SCFD2: variants seen among roughly 807,000 people sequenced by gnomAD.
SCFD2 encodes the protein sec1 family domain-containing protein 2.
SCFD2 carries 54 observed loss-of-function variants against 58.9 expected under a neutral mutation model. The ratio of observed to expected loss-of-function variants is 0.92; its 90% CI spans 0.74 to 1.15. SCFD2 has a LOEUF of 1.15. Ranked by LOEUF, SCFD2 falls within the 50% of genes most tolerant of loss-of-function variation. The pLI is 0.00. For missense variants in SCFD2, 805 were observed against 836.6 expected, an observed-to-expected ratio of 0.96 and a Z score of 0.47; for synonymous variants, 321 against 335.9, an observed-to-expected ratio of 0.96 and a Z score of 0.49.
intron 4 of SCFD2, among the ~76,000 whole-genome samples, chr4:53,198,562 T>C (rs1354550354): frequency 2.0e-5 from 3 of 152,094 alleles, no homozygotes; most frequent in South Asian, 2.1e-4. Flanking sequence ...CTTCAAGTTA[T>C]AGTTTATTCT....
chr4:53,156,229 T>A (rs1726677927), intron 4 of SCFD2, among the ~76,000 whole-genome samples: 1 of 151,476 alleles, frequency 6.6e-6, no homozygotes, highest in Non-Finnish European at 1.5e-5. Context: ...TGAAACCCTG[T>A]CCCTAATAAA....
At chr4:53,081,925 T>C (rs1246748618) in intron 5 of SCFD2, among the ~76,000 whole-genome samples, 3 of 152,198 alleles carry the variant, frequency 2.0e-5, no homozygotes, top group African/African-American at 7.2e-5. Context: ...TTGACTATTC[T>C]GGACATTTCA....
chr4:52,957,968 T>A (rs1720749466), intron 5 of SCFD2: 1 of 152,246 alleles, frequency 6.6e-6, no homozygotes, highest in Non-Finnish European at 1.5e-5. Flanking sequence ...GAGAGTGTCA[T>A]TAACCCTAAC....
intron 7 of SCFD2, 97 bp downstream of exon 7, chr4:52,907,360 G>C: frequency 8.4e-7 from 1 of 1,191,198 alleles, no homozygotes; most frequent in Non-Finnish European, 1.2e-6. Context: ...AATGTTATCT[G>C]TATGGTGCTG....
At chr4:53,329,151 G>A (rs1733329887) in intron 2 of SCFD2, among the ~76,000 whole-genome samples, 1 of 152,204 alleles carries the variant, frequency 6.6e-6, no homozygotes, top group African/African-American at 2.4e-5. Flanking sequence ...ACTGCAAGGT[G>A]GCAGCGAGGC....
intron 5 of SCFD2, among the ~76,000 whole-genome samples, chr4:53,019,768 G>C (rs888732882): frequency 6.6e-6 from 1 of 152,220 alleles, no homozygotes; most frequent in African/African-American, 2.4e-5. Flanking sequence ...TTTTCCCAGT[G>C]GGTTCTCTGG....
chr4:53,330,362 T>A (rs1306325523), intron 2 of SCFD2, among the ~76,000 whole-genome samples: 4 of 151,876 alleles, frequency 2.6e-5, no homozygotes, highest in East Asian at 1.9e-4. Flanking sequence ...CGGGTTACCC[T>A]CAAAGGGAAG....
intron 2 of SCFD2, among the ~76,000 whole-genome samples, chr4:53,344,167 T>C (rs1304600463): frequency 1.3e-5 from 2 of 151,826 alleles, no homozygotes; most frequent in African/African-American, 4.8e-5. Context: ...TTGTCTCTGT[T>C]TGCAGATGAC....
intron 5 of SCFD2, among the ~76,000 whole-genome samples, chr4:53,134,457 A>G (rs564177151): frequency 6.2e-4 from 95 of 152,342 alleles, no homozygotes; most frequent in Admixed American, 1.1e-3. Context: ...AACAGGTGAG[A>G]AAAATAGAGA....
chr4:53,163,118 C>G (rs1437049082), intron 4 of SCFD2, among the ~76,000 whole-genome samples: 1 of 152,082 alleles, frequency 6.6e-6, no homozygotes, highest in Non-Finnish European at 1.5e-5. Flanking sequence ...GGGACAAGGC[C>G]CTGGAGTCCT....
chr4:53,205,177 T>C (rs1227912949), intron 4 of SCFD2, among the ~76,000 whole-genome samples: 1 of 152,094 alleles, frequency 6.6e-6, no homozygotes, highest in African/African-American at 2.4e-5. Flanking sequence ...AAAAGAACTC[T>C]GGATCACAAC....
At chr4:53,300,618 C>G (rs1336006376) in intron 3 of SCFD2, among the ~76,000 whole-genome samples, 1 of 152,176 alleles carries the variant, frequency 6.6e-6, no homozygotes, top group Non-Finnish European at 1.5e-5. Context: ...ATCTACAGAA[C>G]TCTCCACTCC....
chr4:52,896,862 G>A (rs989790382), intron 7 of SCFD2, among the ~76,000 whole-genome samples: 1 of 152,190 alleles, frequency 6.6e-6, no homozygotes, highest in African/African-American at 2.4e-5. Flanking sequence ...AGTTCTCCTT[G>A]AAGAGGTCCT....
At chr4:52,968,505 T>C (rs1721016655) in intron 5 of SCFD2, among the ~76,000 whole-genome samples, 1 of 152,196 alleles carries the variant, frequency 6.6e-6, no homozygotes, top group South Asian at 2.1e-4. Flanking sequence ...TGTGTGTGCA[T>C]GCATGTATGT....
At chr4:53,268,163 G>C (rs1164064079) in intron 4 of SCFD2, among the ~76,000 whole-genome samples, 1 of 152,104 alleles carries the variant, frequency 6.6e-6, no homozygotes, top group Non-Finnish European at 1.5e-5. Flanking sequence ...GCAGTCCAGA[G>C]CATGGTGTCA....
At chr4:53,025,401 C>A (rs1722448950) in intron 5 of SCFD2, among the ~76,000 whole-genome samples, 1 of 152,288 alleles carries the variant, frequency 6.6e-6, no homozygotes, top group East Asian at 1.9e-4. Context: ...AACATAGATA[C>A]TTCCAAACCA....
At chr4:53,178,990 T>A (rs1050014484) in intron 4 of SCFD2, among the ~76,000 whole-genome samples, 2 of 152,148 alleles carry the variant, frequency 1.3e-5, no homozygotes, top group Non-Finnish European at 2.9e-5. Context: ...CTAAGAAACA[T>A]GGGACTCTGT....
intron 5 of SCFD2, among the ~76,000 whole-genome samples, chr4:52,991,533 G>C (rs931960569): frequency 6.6e-6 from 1 of 152,134 alleles, no homozygotes. Flanking sequence ...TTTGAGGATG[G>C]GCTTGGCCTT....
intron 5 of SCFD2, among the ~76,000 whole-genome samples, chr4:53,098,228 C>T (rs1244877462): frequency 5.3e-5 from 8 of 152,190 alleles, no homozygotes; most frequent in Non-Finnish European, 8.8e-5. Context: ...ATGCTGGCCT[C>T]ATAAAATGAG....
Sources: gnomAD v4.1 joint callset for allele counts (sites outside exome capture counted in the v4.1 genomes callset) on GRCh38, gnomAD v4.1.1 for gene constraint, MANE v1.5 for transcripts, NCBI Gene and HGNC (gene_info 2026-07-23, HGNC 2026-07-21) for gene names.